ADGRB1: variants seen among roughly 807,000 people sequenced by gnomAD.
The protein encoded by ADGRB1 is brain-specific angiogenesis inhibitor 1.
Under a neutral mutation model 175.7 loss-of-function variants are expected in ADGRB1, and 36 were observed. The observed-to-expected ratio is 0.20, with a 90% CI of 0.16 to 0.27. The LOEUF (loss-of-function observed/expected upper bound fraction) is 0.27, where lower values mean the gene tolerates loss of function less well. ADGRB1 is among the 10% of genes least tolerant of loss of function. The pLI, the probability that ADGRB1 is intolerant of heterozygous loss-of-function variation, is 1.00. For synonymous variants in ADGRB1, 1,054 were observed against 979.4 expected, an observed-to-expected ratio of 1.08 and a Z score of -1.42; for missense variants, 1,731 against 2,255.3, an observed-to-expected ratio of 0.77 and a Z score of 4.71.
chr8:142,456,640 G>A (rs975203637), intron 1 of ADGRB1, among the ~76,000 whole-genome samples: 9 of 152,196 alleles, frequency 5.9e-5, no homozygotes, highest in East Asian at 5.8e-4. Flanking sequence ...TCCTTGCACC[G>A]AGGCTGCTCA....
chr8:142,461,322 G>A (rs1465098534), intron 1 of ADGRB1, among the ~76,000 whole-genome samples: 1 of 151,752 alleles, frequency 6.6e-6, no homozygotes, highest in Non-Finnish European at 1.5e-5. Flanking sequence ...CAGAGTGCCT[G>A]GCACACATCC....
At position 142,459,942 on chromosome 8, in the gene ADGRB1, G is replaced by A. The variant is rs188528460; in HGVS notation, c.-219-4038G>A. ...CTCAGGGCCCCACTCAGGCGCTGAC[G>A]CCTCCTGGATGCCACCCTGGGTGCC... On this transcript the variant is annotated intron_variant, in intron 1 of 30. Transcript: ENST00000517894. Among the ~76,000 whole-genome samples the A allele has an allele frequency of 5.4e-3, 823 of 152,306 alleles. 6 individuals are homozygous for A. The highest frequency in any genetic ancestry group is 0.018 in the African/African-American group (759 of 41,568).
At chr8:142,514,589 T>C (rs894303873) in intron 18 of ADGRB1, among the ~76,000 whole-genome samples, 3 of 152,178 alleles carry the variant, frequency 2.0e-5, no homozygotes, top group African/African-American at 7.2e-5. Flanking sequence ...CAGACTGTAT[T>C]GGAAGGTTGT....
chr8:142,520,041 T>A (rs1340507678), intron 19 of ADGRB1, among the ~76,000 whole-genome samples: 9 of 148,844 alleles, frequency 6.0e-5, no homozygotes, highest in Admixed American at 6.0e-4. Context: ...GTGATGGTGG[T>A]AGTGATTGTG....
rs1191398696 is a variant in ADGRB1 at position 142,537,954 on chromosome 8, C to A, written c.3666+872C>A. ...CGTCACTAGACCTCCTGCTTCTGCA[C>A]CCAGAGGCTAGCACACAGGGTGGAG... On this transcript the variant is annotated intron_variant, in intron 26 of 30. Transcript: ENST00000517894. The surrounding 1 kb of genome is among the most constrained non-coding windows in gnomAD (Gnocchi z 4.6). Among the ~76,000 whole-genome samples the A allele has an allele frequency of 6.6e-6, 1 of 152,172 alleles. No individual in the cohort carries two copies. The highest frequency in any genetic ancestry group is 1.5e-5 in the Non-Finnish European group (1 of 68,012).
Position 142,543,693 on chromosome 8 carries a change from G to T in ADGRB1, c.4542G>T (p.Leu1514=). Residue 1514 remains leucine, a synonymous_variant, in exon 30 of 31, where the codon CTG becomes CTT. Transcript: ENST00000517894. This position sits in a 1 kb window ranked among gnomAD's most constrained non-coding sequence, Gnocchi z 4.4. ...CAGCGGAGAAGGACAAGGAGGTGCT[G>T]GGGCCGGACAGCAAGGTCTGGAGGG... ...QHAAEKDKEV[L]GPDSKPEKQQ... 1 of 1,558,106 alleles carries T rather than the reference G, an allele frequency of 6.4e-7. No individual in the cohort carries two copies.
At chr8:142,517,070 G>A (rs897039380) in intron 18 of ADGRB1, among the ~76,000 whole-genome samples, 5 of 152,278 alleles carry the variant, frequency 3.3e-5, no homozygotes, top group East Asian at 1.9e-4. Flanking sequence ...ACAGTCATGC[G>A]AAGAGGGGAA....
At chr8:142,483,291 G>T (rs1841472302) in intron 11 of ADGRB1, among the ~76,000 whole-genome samples, 1 of 136,492 alleles carries the variant, frequency 7.3e-6, no homozygotes, top group Admixed American at 7.6e-5. Context: ...CCTGATACTG[G>T]TCACACACTG....
intron 2 of ADGRB1, among the ~76,000 whole-genome samples, chr8:142,466,290 C>A (rs984615948): frequency 6.6e-6 from 1 of 152,140 alleles, no homozygotes; most frequent in African/African-American, 2.4e-5. Flanking sequence ...CCTATGGACT[C>A]CTCAGAATTT....
rs936748153 is a variant in ADGRB1 at position 142,464,345 on chromosome 8, A to G, written c.147A>G (p.Gly49=). The change falls in exon 2 of 31, where the codon GGA becomes GGG. Residue 49 remains glycine (G), a synonymous_variant. Coordinates refer to ENST00000517894, the MANE Select transcript of ADGRB1 (RefSeq NM_001702.3). ...GPEPCATLVQ[G]KFFGYFSAAA... The stretch of plus-strand genomic sequence containing the variant: ...AGCCGTGCGCCACGCTGGTGCAGGG[A>G]AAGTTCTTCGGCTACTTCTCCGCGG... 2.0e-6 allele frequency: 3 copies of G among 1,512,200 alleles called. No individual in the cohort carries two copies. Among genetic ancestry groups the G allele is most frequent in the Non-Finnish European group, 2.6e-6 (3 of 1,135,630 alleles). 93.7% of individuals were successfully genotyped at this position (1,512,200 alleles called of 1,614,324 possible). A position where few individuals can be genotyped will look rare whatever the true frequency, so the allele number is the denominator to read the frequency against.
chr8:142,517,687 C>G (rs1366494373), intron 18 of ADGRB1, among the ~76,000 whole-genome samples: 1 of 152,032 alleles, frequency 6.6e-6, no homozygotes, highest in Non-Finnish European at 1.5e-5. Flanking sequence ...TGGATGGCAT[C>G]TTGGATGGGG....
At position 142,457,676 on chromosome 8, in the gene ADGRB1, G is replaced by T. The variant is rs895568762; in HGVS notation, c.-219-6304G>T. On this transcript the variant is annotated intron_variant, in intron 1 of 30. Coordinates refer to ENST00000517894, the MANE Select transcript of ADGRB1 (RefSeq NM_001702.3). ...CTACCCTGCAGGTTGACCAGTGGGG[G>T]TGTGGTTGGCACAAGCTGGGGTAGG... Among the ~76,000 whole-genome samples, 6 of 148,920 alleles carry T rather than the reference G, an allele frequency of 4.0e-5. No homozygotes were observed. The Admixed American group carries it at 4.1e-4, about 10-fold the overall frequency.
At chr8:142,503,634 C>T (rs887407132) in intron 17 of ADGRB1, among the ~76,000 whole-genome samples, 4 of 152,072 alleles carry the variant, frequency 2.6e-5, no homozygotes, top group Non-Finnish European at 5.9e-5. Context: ...GCAGCAGGTG[C>T]GGGTCTGCAG....
Position 142,481,269 on chromosome 8 carries a change from G to A in ADGRB1, c.1844G>A (p.Arg615Gln), listed in dbSNP as rs753383351. The change falls in exon 10 of 31, where the codon CGG (arginine) becomes CAG (glutamine). Residue 615 changes from arginine to glutamine, a missense_variant. Physicochemically the swap from Arg to Gln is conservative, Grantham distance 43. Around this residue, in one of 8 missense-constraint regions of ADGRB1, gnomAD observed 388 missense variants for 630.9 expected, o/e 0.61. Transcript: ENST00000517894. Reference sequence around the variant, plus strand: ...GTCTCCCCAGGACTCATCCTGCGACGGTGTGAGCTGGACGAGGAAGGCATC... The same window carrying A: ...GTCTCCCCAGGACTCATCCTGCGACAGTGTGAGCTGGACGAGGAAGGCATC... ...PRNATGLILR[R>Q]CELDEEGIAY... 1.1e-5 allele frequency: 18 copies of A among 1,613,684 alleles called. No homozygotes were observed. Among genetic ancestry groups the A allele is most frequent in the African/African-American group, 2.7e-5 (2 of 74,946 alleles).
intron 27 of ADGRB1, among the ~76,000 whole-genome samples, chr8:142,541,226 C>T (rs13439466): frequency 0.026 from 4,019 of 152,078 alleles, 170 homozygotes; most frequent in African/African-American, 0.092. Context: ...TCAGAGTCAG[C>T]TTGGGGTTCT....
At chr8:142,538,048 C>T (rs1423001292) in intron 26 of ADGRB1, among the ~76,000 whole-genome samples, 1 of 152,226 alleles carries the variant, frequency 6.6e-6, no homozygotes, top group Non-Finnish European at 1.5e-5. Context: ...CTGTGCAGAA[C>T]CCGCAGCTGT....
rs1352685227 is a variant in ADGRB1, at chr8:142,510,762, G to C, written c.2676-170G>C. The stretch of plus-strand genomic sequence containing the variant: ...AGCGCGGCATGGGCGCCCGGGCCGC[G>C]GGGCCTGGCGGCGGCGGGCGGACGG... On this transcript the variant is annotated intron_variant, in intron 17 of 30. Coordinates refer to ENST00000517894, the MANE Select transcript of ADGRB1 (RefSeq NM_001702.3). The surrounding 1 kb of genome is among the most constrained non-coding windows in gnomAD (Gnocchi z 6.3). Among the ~76,000 whole-genome samples, 2 of 145,468 alleles carry C rather than the reference G, an allele frequency of 1.4e-5. No homozygotes were observed. Among genetic ancestry groups the C allele is most frequent in the African/African-American group, 4.9e-5 (2 of 40,612 alleles).
Position 142,518,222 on chromosome 8 carries a change from A to C in ADGRB1, c.2902A>C (p.Ile968Leu). ...TCTCACCCTGCTCATGCTGGTCATC[A>C]TCTACGTGTCCGTGTGGAGGTGGGT... The part of the protein sequence containing the change: ...SSLTLLMLVI[I>L]YVSVWRYIRS... Residue 968 changes from isoleucine to leucine, a missense_variant, in exon 19 of 31, where the codon ATC (isoleucine) becomes CTC (leucine). Transcript: ENST00000517894. The C allele has an allele frequency of 6.2e-7, 1 of 1,613,718 alleles. No homozygotes were observed. The highest frequency in any genetic ancestry group is 8.5e-7 in the Non-Finnish European group (1 of 1,179,772).
rs375014007 is a variant in ADGRB1, at chr8:142,522,190, C to G, written c.3175+75C>G. ...ACTGCTTGTTCTGTCCTGGCAGCCC[C>G]TCCTCTCCCCATCCCCTGTGGACCC... On this transcript the variant is annotated intron_variant, in intron 21 of 30. Coordinates refer to ENST00000517894, the MANE Select transcript of ADGRB1 (RefSeq NM_001702.3). 4.1e-5 allele frequency: 63 copies of G among 1,550,728 alleles called. 3 individuals carry two copies. The Admixed American group carries it at 4.4e-4, about 11-fold the overall frequency.
Sources: gnomAD v4.1 joint callset for allele counts (sites outside exome capture counted in the v4.1 genomes callset) on GRCh38, gnomAD v4.1.1 for gene constraint, gnomAD v4.1.1 regional missense constraint, Gnocchi (gnomAD v3.1) non-coding constraint, MANE v1.5 for transcripts, NCBI Gene and HGNC (gene_info 2026-07-23, HGNC 2026-07-21) for gene names.